Variants in DPP6 observed in about 807,000 individuals in gnomAD.
The protein encoded by DPP6 is A-type potassium channel modulatory protein DPP6.
A neutral mutation model predicts 122.6 loss-of-function variants in DPP6; 69 were observed. The observed-to-expected ratio is 0.56, with a 90% CI of 0.46 to 0.69. The LOEUF is 0.69. Among genes scored for constraint, DPP6 ranks in the 30% least tolerant of loss-of-function variants. DPP6 has a pLI of 0.00. For missense variants in DPP6, 928 were observed against 1,116.9 expected, an observed-to-expected ratio of 0.83 and a Z score of 2.41; for synonymous variants, 418 against 433.1, an observed-to-expected ratio of 0.97 and a Z score of 0.43.
At chr7:154,235,021 T>C (rs1419066381) in intron 1 of DPP6, among the ~76,000 whole-genome samples, 1 of 152,242 alleles carries the variant, frequency 6.6e-6, no homozygotes, top group Non-Finnish European at 1.5e-5. Flanking sequence ...TGGTGACAGC[T>C]TTATTGAGAT....
rs1800812076 is a variant in DPP6, at chr7:154,833,691, G to C, written c.1667-20089G>C. On this transcript the variant is annotated intron_variant, in intron 16 of 25. Coordinates refer to ENST00000377770, the MANE Select transcript of DPP6 (RefSeq NM_130797.4). The surrounding 1 kb of genome is among the most constrained non-coding windows in gnomAD (Gnocchi z 4.3). ...GTCATATGGGGAGAATTCACCTCTT[G>C]TTTCCGATGCCTGGCAACATAAATT... Among the ~76,000 whole-genome samples the C allele has an allele frequency of 6.6e-6, 1 of 152,136 alleles. No individual in the cohort carries two copies. Among genetic ancestry groups the C allele is most frequent in the African/African-American group, 2.4e-5 (1 of 41,414 alleles).
chr7:154,686,231 G>A (rs1013344893), intron 7 of DPP6, among the ~76,000 whole-genome samples: 8 of 152,168 alleles, frequency 5.3e-5, no homozygotes, highest in African/African-American at 1.7e-4. Context: ...TGAAGAAGTC[G>A]TGTCCCAGCT....
chr7:153,831,961 C>T, the DPP6 span, among the ~76,000 whole-genome samples: 1 of 152,152 alleles, frequency 6.6e-6, no homozygotes, highest in Non-Finnish European at 1.5e-5. Flanking sequence ...CATAAAGTTC[C>T]CTCTGGTTGC....
the DPP6 span, among the ~76,000 whole-genome samples, chr7:153,808,430 A>C: frequency 1.1e-3 from 165 of 149,616 alleles, 1 homozygote; most frequent in Middle Eastern, 7.1e-3. Context: ...TGTGTGTGTG[A>C]CTGTGTGTGT....
chr7:154,020,159 C>G (rs1331497837), intron 1 of DPP6, among the ~76,000 whole-genome samples: 2 of 152,168 alleles, frequency 1.3e-5, no homozygotes, highest in East Asian at 3.9e-4. Context: ...TCTAAGATGT[C>G]AAGATGTCGT....
intron 2 of DPP6, among the ~76,000 whole-genome samples, chr7:154,455,033 C>T (rs1046825966): frequency 1.3e-5 from 2 of 152,176 alleles, no homozygotes; most frequent in Non-Finnish European, 2.9e-5. Context: ...AGATTCAGTG[C>T]TCGTGGATAT....
At chr7:154,411,153 C>G (rs1381005512) in intron 1 of DPP6, among the ~76,000 whole-genome samples, 5 of 152,200 alleles carry the variant, frequency 3.3e-5, no homozygotes, top group African/African-American at 1.2e-4. Flanking sequence ...AGAGATGTCA[C>G]AGAAGTAGAC....
intron 1 of DPP6, among the ~76,000 whole-genome samples, chr7:154,346,713 A>G (rs1810430559): frequency 2.0e-5 from 3 of 152,204 alleles, no homozygotes; most frequent in Admixed American, 6.5e-5. Context: ...AGCACCAAGC[A>G]GGTGTTCATG....
At chr7:153,798,842 A>G in the DPP6 span, among the ~76,000 whole-genome samples, 1 of 152,208 alleles carries the variant, frequency 6.6e-6, no homozygotes, top group Non-Finnish European at 1.5e-5. Flanking sequence ...ATCTTCAGGT[A>G]TTAGATTCTC....
Position 154,716,985 on chromosome 7 carries a change from C to A in DPP6, c.763-10782C>A, listed in dbSNP as rs1841523922. ...AGTAACTGGGATTACAGGCGTGCAC[C>A]ACAACGCACAGCTAATTTTGTATTT... On this transcript the variant is annotated intron_variant, in intron 7 of 25. Coordinates refer to ENST00000377770, the MANE Select transcript of DPP6 (RefSeq NM_130797.4). Among the ~76,000 whole-genome samples the A allele has an allele frequency of 2.0e-5, 3 of 151,900 alleles. No individual in the cohort carries two copies. In the South Asian group the frequency reaches 6.2e-4, roughly 31 times the overall value.
At chr7:154,503,204 A>G (rs950330690) in intron 3 of DPP6, among the ~76,000 whole-genome samples, 2 of 152,144 alleles carry the variant, frequency 1.3e-5, no homozygotes, top group African/African-American at 4.8e-5. Context: ...ACAAAGTGAC[A>G]GGCTTAGCCC....
chr7:153,776,645 A>G, the DPP6 span, among the ~76,000 whole-genome samples: 1 of 152,166 alleles, frequency 6.6e-6, no homozygotes, highest in African/African-American at 2.4e-5. Context: ...TCACATAAAT[A>G]TAACCAACTG....
intron 1 of DPP6, among the ~76,000 whole-genome samples, chr7:154,190,369 C>CTCT (rs1798556923): frequency 6.6e-6 from 1 of 152,080 alleles, no homozygotes; most frequent in African/African-American, 2.4e-5. Flanking sequence ...ATAACACCAC[C>CTCT]AGCCCCTCTA....
At chr7:154,520,149 C>T (rs1165846092) in intron 3 of DPP6, among the ~76,000 whole-genome samples, 1 of 152,096 alleles carries the variant, frequency 6.6e-6, no homozygotes, top group Non-Finnish European at 1.5e-5. Flanking sequence ...AAAGTCAGCT[C>T]TCAGCAGCAG....
intron 7 of DPP6, among the ~76,000 whole-genome samples, chr7:154,691,342 C>A (rs988875715): frequency 6.6e-6 from 1 of 152,138 alleles, no homozygotes; most frequent in African/African-American, 2.4e-5. Flanking sequence ...GGAGAGTGAG[C>A]CTCAGGCCCA....
rs190524056 is a variant in DPP6 at position 154,436,432 on chromosome 7, G to C, written c.244-9782G>C. ...ATCAGCACATGCCCCATCATTATAC[G>C]CCCTCTTGACACATGGAATTCCTGC... is the stretch of plus-strand genomic sequence containing the variant. On this transcript the variant is annotated intron_variant, in intron 1 of 25. Transcript: ENST00000377770. Among the ~76,000 whole-genome samples the C allele has an allele frequency of 2.1e-3, 319 of 151,748 alleles. 2 individuals carry two copies. The highest frequency in any genetic ancestry group is 5.9e-3 in the African/African-American group (242 of 41,318).
chr7:154,725,586 G>A (rs536470471), intron 7 of DPP6, among the ~76,000 whole-genome samples: 3 of 152,164 alleles, frequency 2.0e-5, no homozygotes, highest in African/African-American at 7.2e-5. Flanking sequence ...CTCCCACCAG[G>A]CCCCACCTCC....
intron 3 of DPP6, chr7:154,475,239 T>G (rs746796239): frequency 1.1e-5 from 6 of 552,492 alleles, no homozygotes; most frequent in Non-Finnish European, 2.0e-5. Context: ...GTAATGGTGT[T>G]GCCTCCCGAG....
At chr7:154,078,178 A>G (rs908099643) in intron 1 of DPP6, among the ~76,000 whole-genome samples, 2 of 152,170 alleles carry the variant, frequency 1.3e-5, no homozygotes. Context: ...CCAAGCAGAC[A>G]TTAAGTGTGC....
Sources: gnomAD v4.1 joint callset for allele counts (sites outside exome capture counted in the v4.1 genomes callset) on GRCh38, gnomAD v4.1.1 for gene constraint, Gnocchi (gnomAD v3.1) non-coding constraint, MANE v1.5 for transcripts, NCBI Gene and HGNC (gene_info 2026-07-23, HGNC 2026-07-21) for gene names.